Variants in LAMTOR1 observed in about 807,000 individuals in gnomAD.
LAMTOR1 encodes the protein ragulator complex protein LAMTOR1.
A neutral mutation model predicts 20.5 loss-of-function variants in LAMTOR1; 8 were observed. That is an observed-to-expected ratio of 0.39 (90% CI 0.23 to 0.70). LAMTOR1 has a LOEUF of 0.70. LAMTOR1 is among the 30% of genes least tolerant of loss of function. The pLI, the probability that LAMTOR1 is intolerant of heterozygous loss-of-function variation, is 0.43. For synonymous variants in LAMTOR1, 77 were observed against 80.9 expected, an observed-to-expected ratio of 0.95 and a Z score of 0.26; for missense variants, 135 against 206.2, an observed-to-expected ratio of 0.65 and a Z score of 2.11.
intron 1 of LAMTOR1, 126 bp downstream of exon 1, chr11:72,103,057 C>T (rs1270427819): frequency 4.0e-6 from 5 of 1,264,798 alleles, no homozygotes; most frequent in Non-Finnish European, 4.5e-6. Context: ...TGTAATCTGT[C>T]CCCTCCAGGC....
chr11:72,098,993 A>T (rs1945340035), intron 2 of LAMTOR1, 118 bp downstream of exon 2: 1 of 1,434,974 alleles, frequency 7.0e-7, no homozygotes, highest in African/African-American at 1.4e-5. Flanking sequence ...CTGGACATGG[A>T]GGCACCTCTC....
In LAMTOR1 at chr11:72,098,837, A is replaced by T; in HGVS notation, c.210T>A (p.Ala70=). ...GCTGCTCCATGCCCTGTGAGTCTGC[A>T]GCAGACACATCAATGATGTTGCTAT... is the stretch of plus-strand genomic sequence containing the variant. ...KTASNIIDVS[A]ADSQGMEQHE... Residue 70 remains alanine (A), a synonymous_variant, in exon 3 of 5, where the codon GCT becomes GCA. Coordinates refer to ENST00000278671, the MANE Select transcript of LAMTOR1 (RefSeq NM_017907.3). The T allele has an allele frequency of 6.4e-7, 1 of 1,550,948 alleles. No homozygotes were observed. Among genetic ancestry groups the T allele is most frequent in the Non-Finnish European group, 8.7e-7 (1 of 1,146,572 alleles).
chr11:72,097,989 A>T, intron 4 of LAMTOR1, 75 bp from the exon 5 acceptor site: 2 of 1,488,938 alleles, frequency 1.3e-6, no homozygotes, highest in Non-Finnish European at 1.8e-6. Context: ...TGGGGAGGGG[A>T]GATTAGATGG....
In LAMTOR1 at chr11:72,097,464, G is replaced by A; in HGVS notation, c.*358C>T. ...TGTGAGCACCAAGTCAGGGAGAGGG[G>A]GCAGGAGTGACTCTGAGGCCAACAG... On this transcript the variant is annotated 3_prime_UTR_variant, in exon 5 of 5. Transcript: ENST00000278671. The A allele has an allele frequency of 3.1e-5, 33 of 1,056,404 alleles. No individual in the cohort carries two copies. The highest frequency in any genetic ancestry group is 3.7e-5 in the Non-Finnish European group (32 of 872,188). The allele number at this position is 1,056,404 out of a possible 1,614,324, so 65.4% of individuals were successfully genotyped here. A position where few individuals can be genotyped will look rare whatever the true frequency, so the allele number is the denominator to read the frequency against.
rs530475667 is a variant in LAMTOR1, at chr11:72,101,398, G to A, written c.42+1785C>T. On this transcript the variant is annotated intron_variant, in intron 1 of 4. Coordinates refer to ENST00000278671, the MANE Select transcript of LAMTOR1 (RefSeq NM_017907.3). ...CCACCTGGTCTAGGGGCATGGCTGA[G>A]ACAGCTTGGCCCCATGGATAAAGTA... Among the ~76,000 whole-genome samples, 15 of 152,342 alleles carry A rather than the reference G, an allele frequency of 9.8e-5. No individual in the cohort carries two copies. In the South Asian group the frequency reaches 2.7e-3, roughly 27 times the overall value.
chr11:72,099,174 C>T lies in LAMTOR1; in HGVS notation c.125G>A (p.Ser42Asn). The T allele has an allele frequency of 6.2e-7, 1 of 1,613,496 alleles. No homozygotes were observed. The highest frequency in any genetic ancestry group is 1.1e-5 in the South Asian group (1 of 91,040). Residue 42 changes from serine (S) to asparagine (N), a missense_variant, in exon 2 of 5, where the codon AGC becomes AAC. Transcript: ENST00000278671. ...CTCATCAGTGCGAGCGGAAGGCAGG[C>T]TGTGGTAGTTGGGCTCGGCTCCATT... Reference protein sequence around the residue: ...ALNGAEPNYHSLPSARTDEQA... With the variant: ...ALNGAEPNYHNLPSARTDEQA...
Position 72,097,679 on chromosome 11 carries a change from C to T in LAMTOR1, c.*143G>A, listed in dbSNP as rs367783109. 1.2e-5 allele frequency: 19 copies of T among 1,532,736 alleles called. No individual in the cohort carries two copies. In the African/African-American group the frequency reaches 1.9e-4, roughly 15 times the overall value. The allele number at this position is 1,532,736 out of a possible 1,614,324, so 94.9% of individuals were successfully genotyped here. ...CTCACTTGCTCAGGCTTCTAGCCTT[C>T]CTCTTCTCCTCCTTCTTCACATTTT... On this transcript the variant is annotated 3_prime_UTR_variant, in exon 5 of 5. Transcript: ENST00000278671.
At chr11:72,103,047 T>C in intron 1 of LAMTOR1, 136 bp downstream of exon 1, 3 of 1,194,198 alleles carry the variant, frequency 2.5e-6, no homozygotes, top group Non-Finnish European at 3.6e-6. Context: ...GCGTCTCCTC[T>C]GTAATCTGTC....
At chr11:72,102,902 C>T (rs950896456) in intron 1 of LAMTOR1, among the ~76,000 whole-genome samples, 3 of 152,224 alleles carry the variant, frequency 2.0e-5, no homozygotes, top group East Asian at 1.9e-4. Flanking sequence ...ACTGAGGATC[C>T]TTGAATCTGA....
chr11:72,098,776 C>T lies in LAMTOR1; in HGVS notation c.266+5G>A. ...CTGAGGGACCCACGCTGGCCAGGTG[C>T]TCACCTGTACTGCCTGGCACGGTCC... On this transcript the variant is annotated splice_donor_5th_base_variant and intron_variant, in intron 3 of 4. Transcript: ENST00000278671. 1 of 1,538,892 alleles carries T rather than the reference C, an allele frequency of 6.5e-7. No individual in the cohort carries two copies. Among genetic ancestry groups the T allele is most frequent in the Non-Finnish European group, 8.8e-7 (1 of 1,141,598 alleles).
intron 1 of LAMTOR1, 76 bp downstream of exon 1, chr11:72,103,107 T>C (rs956364908): frequency 6.5e-7 from 1 of 1,527,070 alleles, no homozygotes; most frequent in Non-Finnish European, 8.9e-7. Flanking sequence ...CTGCCCGTCC[T>C]CCGCAGGTTT....
chr11:72,098,204 T>C (rs1243962180), intron 4 of LAMTOR1, 85 bp downstream of exon 4: 3 of 1,551,718 alleles, frequency 1.9e-6, no homozygotes, highest in South Asian at 2.3e-5. Flanking sequence ...CTTCCCTACC[T>C]CCTCTGAGGC....
chr11:72,098,003 T>C, intron 4 of LAMTOR1, 89 bp from the exon 5 acceptor site: 2 of 1,441,734 alleles, frequency 1.4e-6, no homozygotes, highest in South Asian at 1.4e-5. Context: ...TAGATGGTGA[T>C]GGAGAAGGAG....
In LAMTOR1 at chr11:72,098,179, G is replaced by A. The variant is rs766501965; in HGVS notation, c.393+110C>T. 3 of 1,412,708 alleles carry A rather than the reference G, an allele frequency of 2.1e-6. No individual in the cohort carries two copies. In the African/African-American group the frequency reaches 4.2e-5, roughly 20 times the overall value. 87.5% of individuals were successfully genotyped at this position (1,412,708 alleles called of 1,614,324 possible). ...GAGCTGGGGCCTACAAGGCTACCAG[G>A]CTCCCTAACTCCACCTTCCCTACCT... is the stretch of plus-strand genomic sequence containing the variant. On this transcript the variant is annotated intron_variant, in intron 4 of 4. Coordinates refer to ENST00000278671, the MANE Select transcript of LAMTOR1 (RefSeq NM_017907.3).
At chr11:72,100,343 C>A (rs1489896128) in intron 1 of LAMTOR1, among the ~76,000 whole-genome samples, 1 of 152,194 alleles carries the variant, frequency 6.6e-6, no homozygotes, top group African/African-American at 2.4e-5. Flanking sequence ...CCTGTTCCTG[C>A]TGGCCTGTGC....
In LAMTOR1 at chr11:72,103,257, CGAG is replaced by C. The variant is rs748210798; in HGVS notation, c.-36_-34del. 2.1e-5 allele frequency: 33 copies of C among 1,549,244 alleles called. No homozygotes were observed. In the African/African-American group the frequency reaches 4.2e-4, roughly 20 times the overall value. ...GTCGGGCCGGGCGCTCAGGCCGCGC[CGAG>C]GAGGGACGGCGTCCGTGAGGAGCCC... is the stretch of plus-strand genomic sequence containing the variant. On this transcript the variant is annotated 5_prime_UTR_variant, in exon 1 of 5. Coordinates refer to ENST00000278671, the MANE Select transcript of LAMTOR1 (RefSeq NM_017907.3).
chr11:72,097,693 T>C lies in LAMTOR1; in HGVS notation c.*129A>G, dbSNP rs544286055. On this transcript the variant is annotated 3_prime_UTR_variant, in exon 5 of 5. Coordinates refer to ENST00000278671, the MANE Select transcript of LAMTOR1 (RefSeq NM_017907.3). ...CTTCTAGCCTTCCTCTTCTCCTCCT[T>C]CTTCACATTTTTCTCTGTGATTAGT... 5.7e-5 allele frequency: 88 copies of C among 1,554,300 alleles called. No homozygotes were observed. The highest frequency in any genetic ancestry group is 3.3e-4 in the South Asian group (28 of 86,026).
chr11:72,101,190 CA>C (rs1429325684), intron 1 of LAMTOR1, among the ~76,000 whole-genome samples: 78 of 152,324 alleles, frequency 5.1e-4, no homozygotes, highest in African/African-American at 1.7e-3. Flanking sequence ...TCTTGAAACC[CA>C]GACTTAAAGA....
In LAMTOR1 at chr11:72,097,579, T is replaced by G; in HGVS notation, c.*243A>C. On this transcript the variant is annotated 3_prime_UTR_variant, in exon 5 of 5. Transcript: ENST00000278671. ...CACATTCTCAATGACTATGAAGACA[T>G]ACCAGGCTCTGTCCTTTTGGCCCCC... is the stretch of plus-strand genomic sequence containing the variant. 1 of 1,331,644 alleles carries G rather than the reference T, an allele frequency of 7.5e-7. No homozygotes were observed. Among genetic ancestry groups the G allele is most frequent in the South Asian group, 1.7e-5 (1 of 60,132 alleles). The allele number at this position is 1,331,644 out of a possible 1,614,324, so 82.5% of individuals were successfully genotyped here. A position where few individuals can be genotyped will look rare whatever the true frequency, so the allele number is the denominator to read the frequency against.
Sources: gnomAD v4.1 joint callset for allele counts (sites outside exome capture counted in the v4.1 genomes callset) on GRCh38, gnomAD v4.1.1 for gene constraint, MANE v1.5 for transcripts, NCBI Gene and HGNC (gene_info 2026-07-23, HGNC 2026-07-21) for gene names.